Variants in CD1B observed in about 807,000 individuals in gnomAD.
CD1B encodes CD1b molecule.
A neutral mutation model predicts 39.8 loss-of-function variants in CD1B; 43 were observed. The observed-to-expected ratio is 1.08, with a 90% CI of 0.85 to 1.39. The LOEUF is 1.39. Among genes scored for constraint, CD1B ranks in the 40% most tolerant of loss-of-function variants. CD1B has a pLI of 0.00. For synonymous variants in CD1B, 192 were observed against 152.5 expected (o/e 1.26, Z -1.91); for missense variants, 495 against 403.8 (o/e 1.23, Z -1.94).
At chr1:158,291,052 T>G in the CD1B span, 1 of 1,412,386 alleles carries the variant, frequency 7.1e-7, no homozygotes, top group Non-Finnish European at 9.6e-7. Flanking sequence ...TGGTAACTGG[T>G]TCACCTTCCA....
chr1:158,320,333 G>A, the CD1B span, among the ~76,000 whole-genome samples: 14 of 152,204 alleles, frequency 9.2e-5, no homozygotes, highest in East Asian at 1.9e-4. Flanking sequence ...AGGACCCTCC[G>A]AAGCAGGTGT....
chr1:158,331,304 T>C, intron 1 of CD1B, 59 bp downstream of exon 1: 2 of 1,505,380 alleles, frequency 1.3e-6, no homozygotes, highest in Non-Finnish European at 1.8e-6. Context: ...AAAGCCCTGC[T>C]TGCTTTTTAA....
At chr1:158,290,156 C>T in the CD1B span, 5 of 1,601,444 alleles carry the variant, frequency 3.1e-6, no homozygotes, top group Non-Finnish European at 4.3e-6. Flanking sequence ...TGCAAGGTTA[C>T]ATGTATCTGG....
chr1:158,293,442 T>G, the CD1B span: 1 of 1,613,862 alleles, frequency 6.2e-7, no homozygotes, highest in Non-Finnish European at 8.5e-7. Context: ...CTCCCATTCC[T>G]GTTCCTTCAC....
At chr1:158,319,035 TG>T in the CD1B span, among the ~76,000 whole-genome samples, 1 of 152,018 alleles carries the variant, frequency 6.6e-6, no homozygotes, top group South Asian at 2.1e-4. Context: ...AGAGATCCGC[TG>T]TTAGTCTGAT....
In CD1B at chr1:158,328,917, T is replaced by C; in HGVS notation, c.980+4A>G. ...AAAAAAAAACAACACCACCCACAAC[T>C]CACCGGCGCCTCATATACCATAATG... is the stretch of plus-strand genomic sequence containing the variant. On this transcript the variant is annotated splice_donor_region_variant and intron_variant, in intron 5 of 5. Coordinates refer to ENST00000368168, the MANE Select transcript of CD1B (RefSeq NM_001764.3). 6.3e-7 allele frequency: 1 copy of C among 1,589,408 alleles called. No individual in the cohort carries two copies. Among genetic ancestry groups the C allele is most frequent in the Non-Finnish European group, 8.5e-7 (1 of 1,169,688 alleles).
At chr1:158,301,581 A>G in the CD1B span, among the ~76,000 whole-genome samples, 2 of 152,298 alleles carry the variant, frequency 1.3e-5, no homozygotes, top group East Asian at 3.9e-4. Context: ...TTCTCGGTTG[A>G]AAATTCTTTT....
chr1:158,305,556 A>C, the CD1B span, among the ~76,000 whole-genome samples: 1 of 152,208 alleles, frequency 6.6e-6, no homozygotes, highest in African/African-American at 2.4e-5. Flanking sequence ...GCAGGCCAAC[A>C]TTCAAACTCA....
chr1:158,291,463 C>A, the CD1B span: 1 of 1,549,432 alleles, frequency 6.5e-7, no homozygotes, highest in Non-Finnish European at 8.8e-7. Flanking sequence ...GAAATATTCT[C>A]TACTAATTTT....
the CD1B span, among the ~76,000 whole-genome samples, chr1:158,294,072 C>T: frequency 1.3e-5 from 2 of 152,188 alleles, no homozygotes; most frequent in East Asian, 3.8e-4. Context: ...AGGAAAAGTG[C>T]AGCCTTGTGC....
downstream of CD1B, among the ~76,000 whole-genome samples, chr1:158,325,447 A>C (rs1652316029): frequency 6.6e-6 from 1 of 152,222 alleles, no homozygotes. Context: ...TACTAAATAA[A>C]TAAATAAATA....
chr1:158,311,936 T>G, the CD1B span, among the ~76,000 whole-genome samples: 10 of 152,214 alleles, frequency 6.6e-5, no homozygotes, highest in Non-Finnish European at 1.5e-4. Context: ...GTGTGATTTC[T>G]ACAGATTTGC....
the CD1B span, among the ~76,000 whole-genome samples, chr1:158,322,737 C>A: frequency 1.3e-5 from 2 of 152,036 alleles, no homozygotes; most frequent in African/African-American, 4.8e-5. Context: ...GCCTTTATCT[C>A]TCCTTCATTT....
At chr1:158,296,567 C>G in the CD1B span, among the ~76,000 whole-genome samples, 2 of 152,174 alleles carry the variant, frequency 1.3e-5, no homozygotes, top group Non-Finnish European at 2.9e-5. Flanking sequence ...AATGAACACA[C>G]TAGCTCCCCA....
the CD1B span, among the ~76,000 whole-genome samples, chr1:158,321,290 C>T: frequency 1.3e-5 from 2 of 152,054 alleles, no homozygotes; most frequent in South Asian, 4.1e-4. Flanking sequence ...GTTTTTTTGG[C>T]TTAAAGTCTA....
chr1:158,297,329 C>A, the CD1B span, among the ~76,000 whole-genome samples: 1 of 152,062 alleles, frequency 6.6e-6, no homozygotes, highest in South Asian at 2.1e-4. Flanking sequence ...AATTCTGACC[C>A]AAAATTTCAT....
the CD1B span, among the ~76,000 whole-genome samples, chr1:158,305,652 A>G: frequency 1.3e-5 from 2 of 152,226 alleles, no homozygotes; most frequent in Non-Finnish European, 2.9e-5. Flanking sequence ...AGTTGAAATG[A>G]AGGAAAAAAT....
At chr1:158,293,349 A>G in the CD1B span, 4 of 1,594,680 alleles carry the variant, frequency 2.5e-6, no homozygotes, top group African/African-American at 2.7e-5. Context: ...CTTATTTCAC[A>G]TTCCATTTTT....
At position 158,329,521 on chromosome 1, in the gene CD1B, C is replaced by T; in HGVS notation, c.735G>A (p.Gln245=). The part of the protein sequence containing the change: ...WVMWMRGEQE[Q]QGTQLGDILP... ...GGATGTCCCCTAGCTGAGTGCCCTGCTGCTCCTGCTCACCCCGCATCCACA... is the reference window on the plus strand; with the variant it reads ...GGATGTCCCCTAGCTGAGTGCCCTGTTGCTCCTGCTCACCCCGCATCCACA... The change falls in exon 4 of 6, where the codon CAG becomes CAA. Residue 245 remains glutamine (Q), a synonymous_variant. Transcript: ENST00000368168. 6.2e-7 allele frequency: 1 copy of T among 1,614,182 alleles called. No individual in the cohort carries two copies.
Sources: gnomAD v4.1 joint callset for allele counts (sites outside exome capture counted in the v4.1 genomes callset) on GRCh38, gnomAD v4.1.1 for gene constraint, MANE v1.5 for transcripts, NCBI Gene and HGNC (gene_info 2026-07-23, HGNC 2026-07-21) for gene names.